Variants in DPYD observed in about 807,000 individuals in gnomAD.
DPYD encodes the protein dihydropyrimidine dehydrogenase, also known as dihydropyrimidine dehydrogenase [NADP(+)].
DPYD carries 109 observed loss-of-function variants against 116.2 expected under a neutral mutation model. The ratio of observed to expected loss-of-function variants is 0.94; its 90% CI spans 0.80 to 1.10. The LOEUF (loss-of-function observed/expected upper bound fraction) is 1.10, where lower values mean the gene tolerates loss of function less well. DPYD is among the 50% of genes least tolerant of loss of function. DPYD has a pLI of 0.00. For missense variants in DPYD, 1,302 were observed against 1,254.5 expected (o/e 1.04, Z -0.57); for synonymous variants, 440 against 432.0 (o/e 1.02, Z -0.23).
intron 8 of DPYD, among the ~76,000 whole-genome samples, chr1:97,599,006 A>G (rs1174090497): frequency 6.6e-6 from 1 of 152,206 alleles, no homozygotes. Context: ...TATCTAAAGT[A>G]ATCATTCAAC....
At chr1:97,847,682 AC>A (rs1242085817) in intron 2 of DPYD, among the ~76,000 whole-genome samples, 4 of 152,236 alleles carry the variant, frequency 2.6e-5, no homozygotes, top group Admixed American at 2.0e-4. Flanking sequence ...ATAGTGTATG[AC>A]ATTAATCAGG....
At chr1:97,317,809 T>A (rs1173551015) in intron 16 of DPYD, among the ~76,000 whole-genome samples, 1 of 151,854 alleles carries the variant, frequency 6.6e-6, no homozygotes, top group East Asian at 1.9e-4. Context: ...TGTTATGAAA[T>A]CCAAGCAAGA....
chr1:97,469,396 G>T (rs1333681052), intron 13 of DPYD, among the ~76,000 whole-genome samples: 6 of 8,520 alleles, frequency 7.0e-4, no homozygotes, highest in Non-Finnish European at 1.2e-3. Context: ...AGCTAAAATT[G>T]CAAAAAAAAA....
intron 16 of DPYD, among the ~76,000 whole-genome samples, chr1:97,341,510 C>G (rs1463817639): frequency 6.6e-6 from 1 of 152,100 alleles, no homozygotes; most frequent in East Asian, 1.9e-4. Context: ...TCTCTAAGTT[C>G]TTTTACTGAA....
chr1:97,406,940 T>C (rs1673691096), intron 14 of DPYD, among the ~76,000 whole-genome samples: 1 of 152,190 alleles, frequency 6.6e-6, no homozygotes, highest in Non-Finnish European at 1.5e-5. Flanking sequence ...TTTTCTTTGC[T>C]TTTATTTAAA....
intron 3 of DPYD, among the ~76,000 whole-genome samples, chr1:97,800,802 C>T (rs1370470946): frequency 2.0e-5 from 3 of 151,816 alleles, no homozygotes; most frequent in Admixed American, 2.0e-4. Context: ...CATCTCCTTC[C>T]ACCTTCTGTA....
At chr1:97,370,394 T>C (rs978433038) in intron 16 of DPYD, among the ~76,000 whole-genome samples, 2 of 151,882 alleles carry the variant, frequency 1.3e-5, no homozygotes, top group African/African-American at 4.8e-5. Flanking sequence ...GAGGGAAACA[T>C]CATCACACAC....
intron 18 of DPYD, among the ~76,000 whole-genome samples, chr1:97,300,234 C>A (rs1262225183): frequency 6.6e-6 from 1 of 152,056 alleles, no homozygotes; most frequent in Non-Finnish European, 1.5e-5. Flanking sequence ...ATGGAAGGCT[C>A]TCCTTTTAAT....
intron 2 of DPYD, among the ~76,000 whole-genome samples, chr1:97,837,261 C>T (rs2101519992): frequency 6.6e-6 from 1 of 152,122 alleles, no homozygotes; most frequent in Admixed American, 6.5e-5. Context: ...TTCAAGACTC[C>T]ATAAACGGGT....
intron 6 of DPYD, among the ~76,000 whole-genome samples, chr1:97,698,970 T>G (rs1375353377): frequency 6.6e-6 from 1 of 152,038 alleles, no homozygotes; most frequent in African/African-American, 2.4e-5. Flanking sequence ...GACAACACAA[T>G]GAATAGTCCA....
At chr1:97,091,223 G>C (rs1649876919) in intron 21 of DPYD, among the ~76,000 whole-genome samples, 1 of 152,134 alleles carries the variant, frequency 6.6e-6, no homozygotes, top group Non-Finnish European at 1.5e-5. Flanking sequence ...ACAAAGCAGT[G>C]TCATGGAGTT....
chr1:97,714,557 G>A (rs1662495854), intron 5 of DPYD, among the ~76,000 whole-genome samples: 1 of 148,086 alleles, frequency 6.8e-6, no homozygotes, highest in African/African-American at 2.5e-5. Flanking sequence ...CAGTAGTGCT[G>A]TAATGTAATT....
chr1:97,545,321 T>A (rs1460991181), intron 12 of DPYD, among the ~76,000 whole-genome samples: 5 of 152,158 alleles, frequency 3.3e-5, no homozygotes, highest in African/African-American at 1.2e-4. Flanking sequence ...TAAATGTCAG[T>A]TTCCTTTGTT....
chr1:97,549,457 T>C, intron 12 of DPYD, 103 bp downstream of exon 12: 1 of 1,230,042 alleles, frequency 8.1e-7, no homozygotes, highest in Non-Finnish European at 1.2e-6. Flanking sequence ...TATATATGCT[T>C]ATTATATACC....
At chr1:97,610,380 G>A (rs1655864124) in intron 8 of DPYD, among the ~76,000 whole-genome samples, 1 of 152,046 alleles carries the variant, frequency 6.6e-6, no homozygotes, top group Admixed American at 6.6e-5. Context: ...TGTGTGACCT[G>A]TGATCAATTT....
intron 14 of DPYD, among the ~76,000 whole-genome samples, chr1:97,410,865 A>T (rs1673950164): frequency 6.6e-6 from 1 of 152,142 alleles, no homozygotes; most frequent in Non-Finnish European, 1.5e-5. Flanking sequence ...GATATTAAAA[A>T]TTTTTGTCCT....
At chr1:97,339,281 T>C (rs1669467635) in intron 16 of DPYD, among the ~76,000 whole-genome samples, 1 of 152,180 alleles carries the variant, frequency 6.6e-6, no homozygotes, top group Non-Finnish European at 1.5e-5. Flanking sequence ...ATAAAAATTC[T>C]GTTGAAGAAA....
rs2102253226 is a variant in DPYD, at chr1:97,593,457, T to G, written c.959-70A>C. The G allele has an allele frequency of 3.2e-6, 5 of 1,573,156 alleles. No homozygotes were observed. The East Asian group carries it at 9.0e-5, about 28-fold the overall frequency. ...TTCTGCATGACAGCTCAAAAGATAC[T>G]TGTACTCAAAGCAGTGTAAAATTGC... On this transcript the variant is annotated intron_variant, in intron 9 of 22. Transcript: ENST00000370192.
chr1:97,647,168 G>A (rs765000341), intron 8 of DPYD, among the ~76,000 whole-genome samples: 5 of 151,816 alleles, frequency 3.3e-5, no homozygotes, highest in South Asian at 2.1e-4. Context: ...TTTTTGATAT[G>A]GCTGTTGACT....
Sources: allele counts gnomAD v4.1 joint callset (sites outside exome capture counted in the v4.1 genomes callset), GRCh38; gene constraint gnomAD v4.1.1; transcripts MANE v1.5; gene names NCBI Gene and HGNC (gene_info 2026-07-23, HGNC 2026-07-21).